Variants in DPY19L4 observed in about 807,000 individuals in gnomAD.
DPY19L4 encodes probable C-mannosyltransferase DPY19L4.
A neutral mutation model predicts 102.8 loss-of-function variants in DPY19L4; 97 were observed. The ratio of observed to expected loss-of-function variants is 0.94; its 90% CI spans 0.80 to 1.12. DPY19L4 has a LOEUF of 1.12. Among genes scored for constraint, DPY19L4 ranks in the 50% most tolerant of loss-of-function variants. The pLI, the probability that DPY19L4 is intolerant of heterozygous loss-of-function variation, is 0.00. For synonymous variants in DPY19L4, 252 were observed against 283.1 expected (o/e 0.89, Z 1.10); for missense variants, 815 against 850.4 (o/e 0.96, Z 0.52).
intron 6 of DPY19L4, among the ~76,000 whole-genome samples, chr8:94,753,530 C>G (rs1180488510): frequency 4.6e-5 from 7 of 152,082 alleles, no homozygotes; most frequent in African/African-American, 1.7e-4. Context: ...TTGTGCTAAA[C>G]AGAAAATGGT....
In DPY19L4 at chr8:94,789,755, G is replaced by A; in HGVS notation, c.2017G>A (p.Glu673Lys). 1 of 1,597,236 alleles carries A rather than the reference G, an allele frequency of 6.3e-7. No homozygotes were observed. Among genetic ancestry groups the A allele is most frequent in the South Asian group, 1.1e-5 (1 of 87,292 alleles). Residue 673 changes from glutamate to lysine, a missense_variant, in exon 19 of 19, where the codon GAA becomes AAA. Coordinates refer to ENST00000414645, the MANE Select transcript of DPY19L4 (RefSeq NM_181787.3). ...LDIANGHMVC[E>K]EGDKLTYSKY... Reference sequence around the variant, plus strand: ...TTATATCTTTTAATAGATGGTTTGTGAAGAAGGTGACAAGCTAACCTACTC... The same window carrying A: ...TTATATCTTTTAATAGATGGTTTGTAAAGAAGGTGACAAGCTAACCTACTC...
chr8:94,752,323 G>T (rs1190900767), intron 6 of DPY19L4, among the ~76,000 whole-genome samples: 1 of 151,986 alleles, frequency 6.6e-6, no homozygotes, highest in Non-Finnish European at 1.5e-5. Flanking sequence ...AGGGTCTCAC[G>T]CCTGTAATCC....
At chr8:94,744,651 A>G (rs1811593028) in intron 6 of DPY19L4, 1 of 445,014 alleles carries the variant, frequency 2.2e-6, no homozygotes, top group Non-Finnish European at 4.5e-6. Context: ...AGGAAAAGAT[A>G]CTTTCTCATG....
chr8:94,767,271 A>G (rs1405706182), intron 11 of DPY19L4, among the ~76,000 whole-genome samples: 1 of 150,904 alleles, frequency 6.6e-6, no homozygotes, highest in Non-Finnish European at 1.5e-5. Flanking sequence ...GAGAATGCAG[A>G]TAAACATATA....
chr8:94,751,470 C>T (rs1356870778), intron 6 of DPY19L4, among the ~76,000 whole-genome samples: 6 of 151,292 alleles, frequency 4.0e-5, no homozygotes, highest in South Asian at 4.2e-4. Flanking sequence ...TCCCAGGAAA[C>T]CTGTGTCTGG....
chr8:94,735,012 A>G (rs1241940155), intron 3 of DPY19L4, among the ~76,000 whole-genome samples: 1 of 152,232 alleles, frequency 6.6e-6, no homozygotes, highest in East Asian at 1.9e-4. Flanking sequence ...TATGGAGTTT[A>G]GTCAGCCTTT....
chr8:94,789,728 T>C lies in DPY19L4; in HGVS notation c.2008-18T>C, dbSNP rs780930959. On this transcript the variant is annotated intron_variant, in intron 18 of 18. Coordinates refer to ENST00000414645, the MANE Select transcript of DPY19L4 (RefSeq NM_181787.3). ...GCTTAATAAGCTTTTTAATATTATG[T>C]TTTATATCTTTTAATAGATGGTTTG... is the stretch of plus-strand genomic sequence containing the variant. 7 of 1,572,030 alleles carry C rather than the reference T, an allele frequency of 4.5e-6. No individual in the cohort carries two copies. In the South Asian group the frequency reaches 8.3e-5, roughly 19 times the overall value.
chr8:94,732,225 T>TA (rs534714212), intron 2 of DPY19L4, among the ~76,000 whole-genome samples: 2,409 of 151,588 alleles, frequency 0.016, 61 homozygotes, highest in African/African-American at 0.055. Context: ...TTAGTTTAGC[T>TA]AAAAAAAAAT....
intron 6 of DPY19L4, among the ~76,000 whole-genome samples, chr8:94,744,153 GTGGTTC>G (rs2130831331): frequency 6.6e-6 from 1 of 152,292 alleles, no homozygotes; most frequent in Non-Finnish European, 1.5e-5. Flanking sequence ...GTTTAGATTG[GTGGTTC>G]TAGCTCAGGG....
chr8:94,754,805 T>C (rs928277441), intron 6 of DPY19L4, among the ~76,000 whole-genome samples: 1 of 152,204 alleles, frequency 6.6e-6, no homozygotes. Context: ...TTTCATTTTT[T>C]TGAAATAGAG....
chr8:94,753,811 T>C (rs568504777), intron 6 of DPY19L4, among the ~76,000 whole-genome samples: 21 of 152,156 alleles, frequency 1.4e-4, no homozygotes, highest in African/African-American at 5.1e-4. Flanking sequence ...AGGTGGAGAT[T>C]GTAGTGAGCT....
At chr8:94,757,107 G>C (rs3924088) in intron 7 of DPY19L4, among the ~76,000 whole-genome samples, 26,091 of 152,134 alleles carry the variant, frequency 0.17, 2,262 homozygotes, top group Admixed American at 0.22. Flanking sequence ...AATTGTAACA[G>C]TCCTTTGATA....
intron 8 of DPY19L4, among the ~76,000 whole-genome samples, chr8:94,764,689 G>GTGTGTGTGTGTGTGTATA (rs1415377058): frequency 2.3e-4 from 10 of 43,194 alleles, no homozygotes; most frequent in African/African-American, 8.0e-4. Flanking sequence ...GTCTGTGTGT[G>GTGTGTGTGTGTGTGTATA]TATATATATA....
chr8:94,746,618 T>C (rs1385143440), intron 6 of DPY19L4, among the ~76,000 whole-genome samples: 1 of 152,232 alleles, frequency 6.6e-6, no homozygotes, highest in African/African-American at 2.4e-5. Context: ...AAACTTAAGT[T>C]ATTCTCATGG....
At chr8:94,756,350 A>T (rs913480413) in intron 7 of DPY19L4, among the ~76,000 whole-genome samples, 191 bp downstream of exon 7, 2 of 152,246 alleles carry the variant, frequency 1.3e-5, no homozygotes, top group Non-Finnish European at 2.9e-5. Context: ...ATTAACAGTA[A>T]ATTAGGAGAA....
chr8:94,789,990 T>G lies in DPY19L4; in HGVS notation c.*80T>G. ...CTACCTACTCGGTGTCTTTTGCAGA[T>G]CAGAGTATGGACATTTGAAATATTG... On this transcript the variant is annotated 3_prime_UTR_variant, in exon 19 of 19. Transcript: ENST00000414645. The G allele has an allele frequency of 7.2e-7, 1 of 1,381,628 alleles. No individual in the cohort carries two copies. The highest frequency in any genetic ancestry group is 1.0e-6 in the Non-Finnish European group (1 of 1,001,120). The allele number at this position is 1,381,628 out of a possible 1,614,324, so 85.6% of individuals were successfully genotyped here.
intron 1 of DPY19L4, among the ~76,000 whole-genome samples, chr8:94,723,445 C>G (rs1211154094): frequency 1.3e-5 from 2 of 151,338 alleles, no homozygotes; most frequent in Admixed American, 1.3e-4. Context: ...TGCACTGCAG[C>G]CTGGGCAAAA....
At position 94,789,961 on chromosome 8, in the gene DPY19L4, T is replaced by C; in HGVS notation, c.*51T>C. On this transcript the variant is annotated 3_prime_UTR_variant, in exon 19 of 19. Coordinates refer to ENST00000414645, the MANE Select transcript of DPY19L4 (RefSeq NM_181787.3). ...GACTACCTGAAGTAAAATGCAGTTT[T>C]CTTCTACCTACTCGGTGTCTTTTGC... The C allele has an allele frequency of 6.5e-7, 1 of 1,537,664 alleles. No homozygotes were observed. The highest frequency in any genetic ancestry group is 8.8e-7 in the Non-Finnish European group (1 of 1,136,340).
intron 13 of DPY19L4, among the ~76,000 whole-genome samples, chr8:94,775,596 G>A (rs1813142692): frequency 6.6e-6 from 1 of 152,182 alleles, no homozygotes; most frequent in African/African-American, 2.4e-5. Context: ...CAAAGTGTTG[G>A]GATGACAGGC....
Sources: allele counts gnomAD v4.1 joint callset (sites outside exome capture counted in the v4.1 genomes callset), GRCh38; gene constraint gnomAD v4.1.1; transcripts MANE v1.5; gene names NCBI Gene and HGNC (gene_info 2026-07-23, HGNC 2026-07-21).